The following LIPG variants were observed in gnomAD, a reference collection of about 807,000 sequenced individuals.
The protein encoded by LIPG is lipase G, endothelial type.
Under a neutral mutation model 51.8 loss-of-function variants are expected in LIPG, and 34 were observed. The observed-to-expected ratio is 0.66, with a 90% CI of 0.50 to 0.87. The LOEUF (loss-of-function observed/expected upper bound fraction) is 0.87, where lower values mean the gene tolerates loss of function less well. Ranked by LOEUF, LIPG falls within the 40% of genes least tolerant of loss-of-function variation. The probability of loss-of-function intolerance (pLI) is 0.00; values close to 1 mark genes in which losing one functional copy is unlikely to be tolerated. For synonymous variants in LIPG, 246 were observed against 246.1 expected, an observed-to-expected ratio of 1.00 and a Z score of 0.00; for missense variants, 580 against 652.7, an observed-to-expected ratio of 0.89 and a Z score of 1.21.
At chr18:49,577,482 T>G (rs1169455850) in intron 5 of LIPG, among the ~76,000 whole-genome samples, 18 of 147,234 alleles carry the variant, frequency 1.2e-4, no homozygotes, top group Non-Finnish European at 7.5e-5. Context: ...CGCCTTTCTA[T>G]TCCACAAAGC....
intron 5 of LIPG, among the ~76,000 whole-genome samples, chr18:49,576,867 C>T (rs915559032): frequency 7.2e-5 from 11 of 152,180 alleles, no homozygotes; most frequent in Admixed American, 6.5e-4. Context: ...CTGCCTCAGC[C>T]TCCCAAATAG....
chr18:49,584,712 G>A (rs752101578), intron 8 of LIPG, among the ~76,000 whole-genome samples: 5 of 152,240 alleles, frequency 3.3e-5, no homozygotes, highest in Non-Finnish European at 5.9e-5. Context: ...CTAGAAACCT[G>A]TGAACTGGGG....
Position 49,599,128 on chromosome 18 carries a change from G to A in LIPG, c.*8606G>A, listed in dbSNP as rs2084996757. On this transcript the variant is annotated 3_prime_UTR_variant, in exon 10 of 10. Coordinates refer to ENST00000261292, the MANE Select transcript of LIPG (RefSeq NM_006033.4). Reference sequence around the variant, plus strand: ...CATTTCTTTTGGGAGTAGGATAGCTGGATCATATGGAATGTATATGTTTAA... The same window carrying A: ...CATTTCTTTTGGGAGTAGGATAGCTAGATCATATGGAATGTATATGTTTAA... 6.6e-6 allele frequency: 1 copy of A among 152,164 alleles called. No homozygotes were observed. The highest frequency in any genetic ancestry group is 2.1e-4 in the South Asian group (1 of 4,826). 9.4% of individuals were successfully genotyped at this position (152,164 alleles called of 1,614,324 possible). A position where few individuals can be genotyped will look rare whatever the true frequency, so the allele number is the denominator to read the frequency against.
At position 49,565,486 on chromosome 18, in the gene LIPG, T is replaced by A; in HGVS notation, c.267T>A (p.Ile89=). ...FNMTAKTFFI[I]HGWTMSGIFE... is the part of the protein sequence containing the mutation. ...TGACAGCTAAAACCTTTTTCATCAT[T>A]CACGGATGGACGGTGAGCCCGGGGA... The change falls in exon 2 of 10, where the codon ATT becomes ATA. Residue 89 remains isoleucine, a synonymous_variant. Transcript: ENST00000261292. 1 of 1,614,202 alleles carries A rather than the reference T, an allele frequency of 6.2e-7. No homozygotes were observed. The highest frequency in any genetic ancestry group is 8.5e-7 in the Non-Finnish European group (1 of 1,180,032).
At chr18:49,583,052 C>G (rs1364447214) in intron 7 of LIPG, among the ~76,000 whole-genome samples, 2 of 152,104 alleles carry the variant, frequency 1.3e-5, no homozygotes, top group African/African-American at 4.8e-5. Flanking sequence ...TGAGGCCAAG[C>G]CAAATGAGAG....
chr18:49,582,634 C>G (rs1388888207), intron 7 of LIPG, 152 bp downstream of exon 7: 19 of 958,806 alleles, frequency 2.0e-5, no homozygotes, highest in Non-Finnish European at 3.1e-5. Context: ...CTGGCCTCTG[C>G]AGTCCTCTCT....
chr18:49,584,256 C>T (rs1326918222), intron 8 of LIPG, among the ~76,000 whole-genome samples: 2 of 152,212 alleles, frequency 1.3e-5, no homozygotes, highest in Non-Finnish European at 2.9e-5. Flanking sequence ...GCATTATTCT[C>T]TCTCCTTCAG....
chr18:49,581,555 C>T lies in LIPG; in HGVS notation c.934C>T (p.Arg312Cys), dbSNP rs1320602004. Residue 312 changes from arginine to cysteine, a missense_variant, in exon 6 of 10, where the codon CGC becomes TGC. Transcript: ENST00000261292. Reference sequence around the variant, plus strand: ...CAAAAAGGGGATCTGTCTGAGCTGCCGCAAGAACCGTTGTAATAGCATTGG... The same window carrying T: ...CAAAAAGGGGATCTGTCTGAGCTGCTGCAAGAACCGTTGTAATAGCATTGG... ...RFKKGICLSC[R>C]KNRCNSIGYN... 9 of 1,614,036 alleles carry T rather than the reference C, an allele frequency of 5.6e-6. No homozygotes were observed. The highest frequency in any genetic ancestry group is 5.3e-5 in the African/African-American group (4 of 74,898).
chr18:49,582,320 C>T, intron 6 of LIPG, 42 bp from the exon 7 acceptor site: 1 of 1,613,704 alleles, frequency 6.2e-7, no homozygotes, highest in Non-Finnish European at 8.5e-7. Context: ...CCTGTGATGA[C>T]AAGCAAGGGT....
At chr18:49,578,307 G>T (rs1256459189) in intron 5 of LIPG, among the ~76,000 whole-genome samples, 1 of 144,864 alleles carries the variant, frequency 6.9e-6, no homozygotes, top group South Asian at 2.3e-4. Flanking sequence ...CTTCTCAGAC[G>T]GGGCAGCCGG....
chr18:49,566,966 C>T (rs990037554), intron 2 of LIPG, among the ~76,000 whole-genome samples: 1 of 152,164 alleles, frequency 6.6e-6, no homozygotes, highest in African/African-American at 2.4e-5. Flanking sequence ...CAAATACCTG[C>T]GTAGTGATTC....
rs759351636 is a variant in LIPG at position 49,565,421 on chromosome 18, G to T, written c.202G>T (p.Val68Phe). ...DPEHEGCYLS[V>F]GHSQPLEDCS... is the part of the protein sequence containing the mutation. ...AGAGCATGAAGGATGCTACCTCTCC[G>T]TCGGCCACAGCCAGCCCTTAGAAGA... Residue 68 changes from valine (V) to phenylalanine (F), a missense_variant, in exon 2 of 10, where the codon GTC becomes TTC. Val to Phe is a conservative substitution (Grantham distance 50). Transcript: ENST00000261292. The T allele has an allele frequency of 1.2e-6, 2 of 1,614,196 alleles. No homozygotes were observed. The highest frequency in any genetic ancestry group is 1.7e-6 in the Non-Finnish European group (2 of 1,180,038).
At chr18:49,579,003 GGA>G (rs1169309584) in intron 5 of LIPG, among the ~76,000 whole-genome samples, 1 of 4 alleles carries the variant, frequency 0.25, no homozygotes, top group Non-Finnish European at 0.25. Context: ...GAGACCGTGG[GGA>G]GAGGGAGAGG....
In LIPG at chr18:49,597,956, G is replaced by A. The variant is rs896090758; in HGVS notation, c.*7434G>A. 6.6e-6 allele frequency: 1 copy of A among 152,224 alleles called. No homozygotes were observed. The highest frequency in any genetic ancestry group is 2.4e-5 in the African/African-American group (1 of 41,448). The allele number at this position is 152,224 out of a possible 1,614,324, so 9.4% of individuals were successfully genotyped here. On this transcript the variant is annotated 3_prime_UTR_variant, in exon 10 of 10. Transcript: ENST00000261292. ...TCAGTGGGCTTGTTTTGAAGTCAAA[G>A]CCTCAACTATTTATTGTGAGGGAGA...
chr18:49,584,283 A>G (rs2084859848), intron 8 of LIPG, among the ~76,000 whole-genome samples: 1 of 152,270 alleles, frequency 6.6e-6, no homozygotes, highest in East Asian at 1.9e-4. Context: ...TAAGTCAAGG[A>G]TGTGGGGCTG....
intron 5 of LIPG, among the ~76,000 whole-genome samples, chr18:49,577,086 G>A (rs1258698009): frequency 1.4e-5 from 2 of 148,090 alleles, no homozygotes; most frequent in African/African-American, 2.5e-5. Flanking sequence ...GCAGGGTCAT[G>A]GGACAATAGT....
chr18:49,577,528 C>T (rs1342711058), intron 5 of LIPG, among the ~76,000 whole-genome samples: 21 of 148,242 alleles, frequency 1.4e-4, no homozygotes, highest in Non-Finnish European at 2.1e-4. Context: ...CAATGAGCTG[C>T]TGGGCACACC....
Position 49,581,502 on chromosome 18 carries a change from C to T in LIPG, c.881C>T (p.Ala294Val), listed in dbSNP as rs756703652. ...SLVNQDKPSF[A>V]FQCTDSNRFK... Reference sequence around the variant, plus strand: ...GTGAATCAGGACAAGCCGAGTTTTGCCTTCCAGTGCACTGACTCCAATCGC... The same window carrying T: ...GTGAATCAGGACAAGCCGAGTTTTGTCTTCCAGTGCACTGACTCCAATCGC... The change falls in exon 6 of 10, where the codon GCC (alanine) becomes GTC (valine). Residue 294 changes from alanine to valine, a missense_variant. Transcript: ENST00000261292. The T allele has an allele frequency of 1.2e-6, 2 of 1,614,184 alleles. No homozygotes were observed. The highest frequency in any genetic ancestry group is 1.1e-5 in the South Asian group (1 of 91,078).
intron 4 of LIPG, among the ~76,000 whole-genome samples, chr18:49,571,199 G>T (rs1187554402): frequency 6.6e-6 from 1 of 152,198 alleles, no homozygotes; most frequent in Non-Finnish European, 1.5e-5. Flanking sequence ...AGCCACTCGG[G>T]TTCCATTGTC....
Sources: gnomAD v4.1 joint callset for allele counts (sites outside exome capture counted in the v4.1 genomes callset) on GRCh38, gnomAD v4.1.1 for gene constraint, MANE v1.5 for transcripts, NCBI Gene and HGNC (gene_info 2026-07-23, HGNC 2026-07-21) for gene names.